ERGIC1: variants seen among roughly 807,000 people sequenced by gnomAD.
The protein encoded by ERGIC1 is endoplasmic reticulum-Golgi intermediate compartment protein 1.
Under a neutral mutation model 38.3 loss-of-function variants are expected in ERGIC1, and 19 were observed. The ratio of observed to expected loss-of-function variants is 0.50; its 90% confidence interval spans 0.35 to 0.73. The LOEUF is 0.73. Ranked by LOEUF, ERGIC1 falls within the 30% of genes least tolerant of loss-of-function variation. The probability of loss-of-function intolerance (pLI) is 0.01; values close to 1 mark genes in which losing one functional copy is unlikely to be tolerated. For synonymous variants in ERGIC1, 124 were observed against 157.6 expected (o/e 0.79, Z 1.60); for missense variants, 294 against 389.2 (o/e 0.76, Z 2.06).
chr5:172,875,036 G>A (rs558126531), intron 1 of ERGIC1, among the ~76,000 whole-genome samples: 1 of 152,262 alleles, frequency 6.6e-6, no homozygotes, highest in Non-Finnish European at 1.5e-5. Context: ...GAGATGCAAA[G>A]GCAGAACCTT....
At chr5:172,935,688 C>T (rs930349084) in intron 9 of ERGIC1, 1 of 177,964 alleles carries the variant, frequency 5.6e-6, no homozygotes, top group East Asian at 1.4e-4. Flanking sequence ...AGATTGAACT[C>T]ATTTTTTTTT....
intron 1 of ERGIC1, among the ~76,000 whole-genome samples, chr5:172,863,241 G>A (rs889287250): frequency 6.6e-6 from 1 of 152,214 alleles, no homozygotes; most frequent in Non-Finnish European, 1.5e-5. Context: ...GTGAGCCATC[G>A]TGCCTGGCCT....
Position 172,837,857 on chromosome 5 carries a change from C to T in ERGIC1, c.20+3424C>T, listed in dbSNP as rs974892664. On this transcript the variant is annotated intron_variant, in intron 1 of 9. Coordinates refer to ENST00000393784, the MANE Select transcript of ERGIC1 (RefSeq NM_001031711.3). This position sits in a 1 kb window ranked among gnomAD's most constrained non-coding sequence, Gnocchi z 4.3. ...CCGTGTGTGTTGTTTCGAGTTCCGG[C>T]TGGCCTGGGGCCAGTAGCACCTGCT... is the stretch of plus-strand genomic sequence containing the variant. 1.3e-5 allele frequency among the ~76,000 whole-genome samples: 2 copies of T among 152,246 alleles called. No individual in the cohort carries two copies. Among genetic ancestry groups the T allele is most frequent in the African/African-American group, 4.8e-5 (2 of 41,472 alleles).
chr5:172,852,021 C>A (rs774162416), intron 1 of ERGIC1, among the ~76,000 whole-genome samples: 1 of 152,090 alleles, frequency 6.6e-6, no homozygotes, highest in Non-Finnish European at 1.5e-5. Context: ...CTGGAAATCC[C>A]AGGCAGGGAC....
chr5:172,857,932 G>T (rs1444922994), intron 1 of ERGIC1, among the ~76,000 whole-genome samples: 1 of 152,030 alleles, frequency 6.6e-6, no homozygotes, highest in Admixed American at 6.6e-5. Flanking sequence ...ACTGGTCACT[G>T]TGCCAGGCAC....
Position 172,947,942 on chromosome 5 carries a change from GT to G in ERGIC1, c.766-2766del, listed in dbSNP as rs1764159860. 4.0e-5 allele frequency among the ~76,000 whole-genome samples: 6 copies of G among 151,394 alleles called. No homozygotes were observed. The South Asian group carries it at 1.3e-3, about 32-fold the overall frequency. ...TTTTTTATTTTTTGCTTCATTGCAC[GT>G]AAGTCACATTTTCCTATCTTCTGAT... On this transcript the variant is annotated intron_variant, in intron 9 of 9. Transcript: ENST00000393784.
At chr5:172,942,807 T>C (rs895978420) in intron 9 of ERGIC1, among the ~76,000 whole-genome samples, 6 of 152,234 alleles carry the variant, frequency 3.9e-5, no homozygotes, top group African/African-American at 1.4e-4. Context: ...GGCTCCATTT[T>C]GCACACCAGG....
At chr5:172,903,895 C>T (rs546423553) in intron 3 of ERGIC1, among the ~76,000 whole-genome samples, 1 of 151,316 alleles carries the variant, frequency 6.6e-6, no homozygotes, top group South Asian at 2.1e-4. Flanking sequence ...CCTAGGCTTC[C>T]CCTGCACTGC....
chr5:172,841,359 C>G (rs1398331070), intron 1 of ERGIC1, among the ~76,000 whole-genome samples: 2 of 152,300 alleles, frequency 1.3e-5, no homozygotes, highest in East Asian at 3.9e-4. Flanking sequence ...ATGATCCTTC[C>G]TGTTTTATGT....
At chr5:172,896,517 G>T (rs1762725530) in intron 2 of ERGIC1, among the ~76,000 whole-genome samples, 1 of 152,230 alleles carries the variant, frequency 6.6e-6, no homozygotes, top group African/African-American at 2.4e-5. Context: ...GAGGCAGAAG[G>T]GAGTGGTGGG....
intron 3 of ERGIC1, chr5:172,906,222 AG>A (rs1454510466): frequency 4.4e-6 from 2 of 454,554 alleles, no homozygotes; most frequent in Non-Finnish European, 8.9e-6. Context: ...TCCCAGGACC[AG>A]GGCCCTCCTT....
chr5:172,903,742 T>C (rs557407637), intron 3 of ERGIC1, among the ~76,000 whole-genome samples: 1 of 152,272 alleles, frequency 6.6e-6, no homozygotes, highest in South Asian at 2.1e-4. Flanking sequence ...ACCCCTATGA[T>C]TGTCCCCATT....
chr5:172,836,001 C>T (rs941590234), intron 1 of ERGIC1, among the ~76,000 whole-genome samples: 6 of 152,196 alleles, frequency 3.9e-5, no homozygotes, highest in Non-Finnish European at 5.9e-5. Context: ...TTCGTGCCAC[C>T]GCCGCCCCCT....
At chr5:172,899,267 G>A (rs1485328865) in intron 3 of ERGIC1, among the ~76,000 whole-genome samples, 2 of 151,708 alleles carry the variant, frequency 1.3e-5, no homozygotes, top group Non-Finnish European at 2.9e-5. Context: ...AGGACGGAGA[G>A]GGGCCAGGCC....
intron 2 of ERGIC1, among the ~76,000 whole-genome samples, chr5:172,893,848 C>T (rs1343448638): frequency 4.6e-5 from 6 of 131,788 alleles, no homozygotes; most frequent in African/African-American, 1.4e-4. Flanking sequence ...GTGCCCATTA[C>T]GCTGCTGTTC....
intron 9 of ERGIC1, among the ~76,000 whole-genome samples, chr5:172,945,474 C>T (rs1379427906): frequency 6.6e-6 from 1 of 152,190 alleles, no homozygotes; most frequent in Non-Finnish European, 1.5e-5. Context: ...GACCCAAAGG[C>T]GTGCTCTGGG....
chr5:172,878,446 T>C (rs1762200351), intron 1 of ERGIC1, among the ~76,000 whole-genome samples: 1 of 152,162 alleles, frequency 6.6e-6, no homozygotes, highest in African/African-American at 2.4e-5. Flanking sequence ...ACAGAAAGAA[T>C]GCTACTGTCT....
At chr5:172,934,183 T>C (rs1763838465) in intron 8 of ERGIC1, 1 of 152,332 alleles carries the variant, frequency 6.6e-6, no homozygotes, top group Non-Finnish European at 1.5e-5. Flanking sequence ...CAGGGCTCAG[T>C]GTTACTTACC....
Position 172,909,775 on chromosome 5 carries a change from G to C in ERGIC1, c.250+14G>C. On this transcript the variant is annotated intron_variant, in intron 4 of 9. Coordinates refer to ENST00000393784, the MANE Select transcript of ERGIC1 (RefSeq NM_001031711.3). ...TGCACTGCGAGTGTGAGTACTCCAC[G>C]CAGCCCCTCCCTCCAGCAGGACACC... The C allele has an allele frequency of 6.2e-7, 1 of 1,610,948 alleles. No individual in the cohort carries two copies.
Sources: gnomAD v4.1 joint callset for allele counts (sites outside exome capture counted in the v4.1 genomes callset) on GRCh38, gnomAD v4.1.1 for gene constraint, Gnocchi (gnomAD v3.1) non-coding constraint, MANE v1.5 for transcripts, NCBI Gene and HGNC (gene_info 2026-07-23, HGNC 2026-07-21) for gene names.